Variants in ATG4B observed in about 807,000 individuals in gnomAD.
The protein encoded by ATG4B is cysteine protease ATG4B.
A neutral mutation model predicts 56.6 loss-of-function variants in ATG4B; 29 were observed. The ratio of observed to expected loss-of-function variants is 0.51; its 90% confidence interval spans 0.38 to 0.70. ATG4B has a LOEUF of 0.70. Among genes scored for constraint, ATG4B ranks in the 30% least tolerant of loss-of-function variants. The pLI is 0.00. For synonymous variants in ATG4B, 224 were observed against 206.1 expected, an observed-to-expected ratio of 1.09 and a Z score of -0.74; for missense variants, 461 against 515.5, an observed-to-expected ratio of 0.89 and a Z score of 1.02.
chr2:241,642,856 A>G (rs538033108), intron 1 of ATG4B, among the ~76,000 whole-genome samples: 9 of 129,856 alleles, frequency 6.9e-5, no homozygotes, highest in Non-Finnish European at 1.3e-4. Flanking sequence ...CTTAAGGTGT[A>G]CAGCACCTCT....
intron 1 of ATG4B, 83 bp downstream of exon 1, chr2:241,637,807 G>C (rs2067716343): frequency 7.0e-7 from 1 of 1,430,258 alleles, no homozygotes; most frequent in Admixed American, 2.8e-5. Flanking sequence ...GGGCTGCCGC[G>C]ACTCGCCTCG....
rs1392314290 is a variant in ATG4B, at chr2:241,672,195, T to C, written c.1113T>C (p.Ser371=). 1.9e-6 allele frequency: 3 copies of C among 1,578,830 alleles called. No individual in the cohort carries two copies. In the East Asian group the frequency reaches 6.9e-5, roughly 36 times the overall value. ...GCTATGTCCTGTTCCTTCTAGATTC[T>C]TCTGATGTAGAGCGACTGGAAAGAT... ...CPDVLNLSLD[S]SDVERLERFF... is the part of the protein sequence containing the mutation. The change falls in exon 13 of 13, where the codon TCT becomes TCC. Residue 371 remains serine (S), a synonymous_variant. Transcript: ENST00000404914.
Position 241,673,169 on chromosome 2 carries a change from G to A in ATG4B, c.*905G>A, listed in dbSNP as rs1470717654. On this transcript the variant is annotated 3_prime_UTR_variant, in exon 13 of 13. Coordinates refer to ENST00000404914, the MANE Select transcript of ATG4B (RefSeq NM_013325.5). ...TCCCATGCCGCTGAGGTGTTAGGTG[G>A]TTTAGGGCCAAAAGGGGAAAACCAC... 1 of 221,674 alleles carries A rather than the reference G, an allele frequency of 4.5e-6. No homozygotes were observed. The highest frequency in any genetic ancestry group is 9.3e-6 in the Non-Finnish European group (1 of 107,396). 13.7% of individuals were successfully genotyped at this position (221,674 alleles called of 1,614,324 possible). A position where few individuals can be genotyped will look rare whatever the true frequency, so the allele number is the denominator to read the frequency against.
chr2:241,672,375 C>T lies in ATG4B; in HGVS notation c.*111C>T, dbSNP rs1489543200. 6.2e-6 allele frequency: 6 copies of T among 967,200 alleles called. No homozygotes were observed. Among genetic ancestry groups the T allele is most frequent in the Admixed American group, 2.2e-5 (1 of 45,132 alleles). The allele number at this position is 967,200 out of a possible 1,614,324, so 59.9% of individuals were successfully genotyped here. ...GAGGGCTGCGCCCCGTGCTGCCTCC[C>T]CCCAGAGGGCCACCCGCTGTGCTCG... On this transcript the variant is annotated 3_prime_UTR_variant, in exon 13 of 13. Transcript: ENST00000404914.
At chr2:241,647,031 G>A (rs1446635870) in intron 1 of ATG4B, among the ~76,000 whole-genome samples, 2 of 151,936 alleles carry the variant, frequency 1.3e-5, no homozygotes, top group African/African-American at 2.4e-5. Flanking sequence ...TGATCCACCC[G>A]CCTTGGCCTC....
At chr2:241,658,983 A>G in intron 6 of ATG4B, 125 bp from the exon 7 acceptor site, 1 of 637,948 alleles carries the variant, frequency 1.6e-6, no homozygotes, top group Non-Finnish European at 2.6e-6. Flanking sequence ...GGATTTTAGG[A>G]GCCTTGGCCC....
At chr2:241,665,385 C>G (rs1042880927) in intron 7 of ATG4B, among the ~76,000 whole-genome samples, 1 of 152,244 alleles carries the variant, frequency 6.6e-6, no homozygotes, top group Non-Finnish European at 1.5e-5. Flanking sequence ...GTCCAGGGAA[C>G]AACCCGTGCC....
Position 241,673,142 on chromosome 2 carries a change from C to G in ATG4B, c.*878C>G, listed in dbSNP as rs931666345. 1 of 188,862 alleles carries G rather than the reference C, an allele frequency of 5.3e-6. No homozygotes were observed. Among genetic ancestry groups the G allele is most frequent in the Non-Finnish European group, 1.1e-5 (1 of 88,974 alleles). The allele number at this position is 188,862 out of a possible 1,614,324, so 11.7% of individuals were successfully genotyped here. A position where few individuals can be genotyped will look rare whatever the true frequency, so the allele number is the denominator to read the frequency against. On this transcript the variant is annotated 3_prime_UTR_variant, in exon 13 of 13. Transcript: ENST00000404914. ...ATGTCCTTGCCTTGCTGAGAATTGC[C>G]CTCCCATGCCGCTGAGGTGTTAGGT...
chr2:241,653,742 G>A, intron 4 of ATG4B, 132 bp downstream of exon 4: 2 of 729,018 alleles, frequency 2.7e-6, no homozygotes, highest in Non-Finnish European at 4.4e-6. Context: ...CTTGAGTAAT[G>A]AGCCACTTGT....
At chr2:241,645,207 G>C (rs2068027894) in intron 1 of ATG4B, among the ~76,000 whole-genome samples, 1 of 152,128 alleles carries the variant, frequency 6.6e-6, no homozygotes, top group South Asian at 2.1e-4. Context: ...AGAGTACAGG[G>C]AAGACCTCCT....
chr2:241,658,087 C>T (rs1468922349), intron 6 of ATG4B, among the ~76,000 whole-genome samples: 6 of 152,210 alleles, frequency 3.9e-5, no homozygotes, highest in African/African-American at 1.4e-4. Flanking sequence ...CTGTTCTCTG[C>T]AGTGTTGACC....
intron 1 of ATG4B, 127 bp from the exon 2 acceptor site, chr2:241,650,883 G>T: frequency 1.3e-6 from 1 of 751,476 alleles, no homozygotes. Flanking sequence ...AGATACGAGA[G>T]GGAGTGCTGC....
intron 4 of ATG4B, among the ~76,000 whole-genome samples, chr2:241,654,187 C>T (rs980938087): frequency 6.6e-6 from 1 of 151,956 alleles, no homozygotes; most frequent in Non-Finnish European, 1.5e-5. Context: ...CTTTGGGATG[C>T]CGAGGCGGGT....
At chr2:241,645,665 A>G (rs1461786104) in intron 1 of ATG4B, among the ~76,000 whole-genome samples, 1 of 152,196 alleles carries the variant, frequency 6.6e-6, no homozygotes, top group Non-Finnish European at 1.5e-5. Flanking sequence ...CTGACTCCAC[A>G]GCTGGCGCTC....
chr2:241,665,335 T>TGAC (rs2068729192), intron 7 of ATG4B, among the ~76,000 whole-genome samples: 1 of 152,108 alleles, frequency 6.6e-6, no homozygotes, highest in Non-Finnish European at 1.5e-5. Flanking sequence ...ACAAAAGAGG[T>TGAC]GACGCCACGA....
intron 7 of ATG4B, among the ~76,000 whole-genome samples, chr2:241,661,267 C>T (rs949897209): frequency 6.6e-6 from 1 of 152,148 alleles, no homozygotes; most frequent in Non-Finnish European, 1.5e-5. Context: ...GTGCCTGATG[C>T]CCCCATTTAG....
rs146116734 is a variant in ATG4B at position 241,661,522 on chromosome 2, T to C, written c.538+2335T>C. On this transcript the variant is annotated intron_variant, in intron 7 of 12. Coordinates refer to ENST00000404914, the MANE Select transcript of ATG4B (RefSeq NM_013325.5). ...AGGAAGAAGTCCGCAAAGCCGAAGCTAGAGAAACAGACGTGTCCTTGGCTA... is the reference window on the plus strand; with the variant it reads ...AGGAAGAAGTCCGCAAAGCCGAAGCCAGAGAAACAGACGTGTCCTTGGCTA... 2.0e-5 allele frequency among the ~76,000 whole-genome samples: 3 copies of C among 152,332 alleles called. No homozygotes were observed. In the East Asian group the frequency reaches 5.8e-4, roughly 29 times the overall value.
intron 7 of ATG4B, among the ~76,000 whole-genome samples, chr2:241,662,697 C>G (rs1037786507): frequency 1.3e-5 from 2 of 152,230 alleles, no homozygotes; most frequent in African/African-American, 2.4e-5. Flanking sequence ...AACTCACCAC[C>G]GGGAAGCCTT....
At chr2:241,661,752 T>TC (rs1038204853) in intron 7 of ATG4B, among the ~76,000 whole-genome samples, 1 of 150,804 alleles carries the variant, frequency 6.6e-6, no homozygotes, top group African/African-American at 2.4e-5. Context: ...CACCAACCCA[T>TC]CCCCCCCGCA....
Sources: gnomAD v4.1 joint callset for allele counts (sites outside exome capture counted in the v4.1 genomes callset) on GRCh38, gnomAD v4.1.1 for gene constraint, MANE v1.5 for transcripts, NCBI Gene and HGNC (gene_info 2026-07-23, HGNC 2026-07-21) for gene names.